The following APBB2 variants were observed in gnomAD, a reference collection of about 807,000 sequenced individuals.
APBB2 encodes the protein Fe65-like 1.
Under a neutral mutation model 82.5 loss-of-function variants are expected in APBB2, and 38 were observed. That is an observed-to-expected ratio of 0.46 (90% CI 0.36 to 0.60). The LOEUF (loss-of-function observed/expected upper bound fraction) is 0.60. Among genes scored for constraint, APBB2 ranks in the 20% least tolerant of loss-of-function variants. The pLI, the probability that APBB2 is intolerant of heterozygous loss-of-function variation, is 0.00. For missense variants in APBB2, 772 were observed against 972.3 expected (o/e 0.79, Z 2.74); for synonymous variants, 341 against 368.2 (o/e 0.93, Z 0.85).
intron 5 of APBB2, among the ~76,000 whole-genome samples, chr4:41,019,268 T>C (rs1033145995): frequency 1.3e-5 from 2 of 151,826 alleles, no homozygotes; most frequent in African/African-American, 4.8e-5. Flanking sequence ...ATAAAGAGAG[T>C]AAAAGTGGAA....
intron 1 of APBB2, among the ~76,000 whole-genome samples, chr4:41,206,354 C>G (rs1777925692): frequency 6.6e-6 from 1 of 152,202 alleles, no homozygotes; most frequent in African/African-American, 2.4e-5. Flanking sequence ...CTGCAGCACC[C>G]TATAACCAAT....
At chr4:41,124,058 A>G (rs1753679570) in intron 2 of APBB2, among the ~76,000 whole-genome samples, 1 of 152,168 alleles carries the variant, frequency 6.6e-6, no homozygotes, top group Non-Finnish European at 1.5e-5. Flanking sequence ...GCTTGCCCAC[A>G]GAGCTTTGAT....
At chr4:40,917,566 A>G (rs923767055) in intron 10 of APBB2, among the ~76,000 whole-genome samples, 1 of 152,176 alleles carries the variant, frequency 6.6e-6, no homozygotes, top group Non-Finnish European at 1.5e-5. Context: ...ATCCAATGAG[A>G]AAATTTAGAC....
At chr4:40,882,463 G>A (rs1272218324) in intron 12 of APBB2, among the ~76,000 whole-genome samples, 1 of 152,212 alleles carries the variant, frequency 6.6e-6, no homozygotes, top group Non-Finnish European at 1.5e-5. Flanking sequence ...GAAGCCGTGT[G>A]ATGAAGCCAG....
chr4:41,181,675 G>A (rs558044119), intron 1 of APBB2, among the ~76,000 whole-genome samples: 2 of 152,312 alleles, frequency 1.3e-5, no homozygotes, highest in East Asian at 3.9e-4. Context: ...GCCGGGCACA[G>A]TGGCTCACGC....
At chr4:41,062,157 CTTATTTAT>C (rs139030241) in intron 4 of APBB2, among the ~76,000 whole-genome samples, 12,248 of 149,328 alleles carry the variant, frequency 0.082, 1,627 homozygotes, top group African/African-American at 0.28. Context: ...ACAAGCAAAT[CTTATTTAT>C]TTATTTATTT....
At chr4:40,958,794 T>TG (rs1391016107) in intron 6 of APBB2, among the ~76,000 whole-genome samples, 2 of 152,138 alleles carry the variant, frequency 1.3e-5, no homozygotes, top group African/African-American at 2.4e-5. Context: ...TTTGTAGAGA[T>TG]GGGGTCTCAT....
At chr4:41,107,580 C>G (rs1747709598) in intron 2 of APBB2, among the ~76,000 whole-genome samples, 1 of 152,066 alleles carries the variant, frequency 6.6e-6, no homozygotes, top group Admixed American at 6.6e-5. Flanking sequence ...AGAATATCAC[C>G]CCACAGATTA....
At chr4:41,135,669 A>G (rs999631352) in intron 2 of APBB2, among the ~76,000 whole-genome samples, 1 of 152,216 alleles carries the variant, frequency 6.6e-6, no homozygotes, top group Non-Finnish European at 1.5e-5. Context: ...GTATCTTTGA[A>G]AGCTGTTAAA....
At chr4:40,884,759 G>A (rs1769718103) in intron 12 of APBB2, among the ~76,000 whole-genome samples, 1 of 152,126 alleles carries the variant, frequency 6.6e-6, no homozygotes, top group South Asian at 2.1e-4. Flanking sequence ...GCAAGACCCT[G>A]TCTCTAAAAA....
chr4:41,207,921 G>A (rs1193721648), intron 1 of APBB2: 5 of 152,208 alleles, frequency 3.3e-5, no homozygotes, highest in East Asian at 1.9e-4. Flanking sequence ...GAAAGGCATA[G>A]TATCAGAGAA....
chr4:41,099,530 T>C (rs572066417), intron 3 of APBB2, among the ~76,000 whole-genome samples: 1 of 152,274 alleles, frequency 6.6e-6, no homozygotes, highest in African/African-American at 2.4e-5. Context: ...TAACTTCAAA[T>C]AAGCTTCAAA....
intron 2 of APBB2, among the ~76,000 whole-genome samples, chr4:41,112,690 A>G (rs1338526819): frequency 2.0e-5 from 3 of 152,240 alleles, no homozygotes; most frequent in African/African-American, 7.2e-5. Context: ...ACACAGCATT[A>G]TTAAGAATGT....
intron 2 of APBB2, among the ~76,000 whole-genome samples, chr4:41,110,603 C>CA (rs33958550): frequency 0.015 from 1,693 of 111,608 alleles, 16 homozygotes; most frequent in African/African-American, 0.023. Flanking sequence ...GACTCTGTCT[C>CA]AAAAAAAAAA....
chr4:41,163,141 T>C (rs1560924140), intron 1 of APBB2, among the ~76,000 whole-genome samples: 1 of 152,140 alleles, frequency 6.6e-6, no homozygotes, highest in African/African-American at 2.4e-5. Context: ...CAATGTGACA[T>C]AGAGGACAGC....
chr4:41,052,363 C>T (rs759655310), intron 4 of APBB2, among the ~76,000 whole-genome samples: 5 of 152,194 alleles, frequency 3.3e-5, no homozygotes, highest in Non-Finnish European at 4.4e-5. Context: ...TCTTCTCCTA[C>T]CTGATCCCAA....
At chr4:41,172,468 G>C (rs1175687264) in intron 1 of APBB2, among the ~76,000 whole-genome samples, 2 of 152,190 alleles carry the variant, frequency 1.3e-5, no homozygotes, top group East Asian at 3.8e-4. Context: ...TGTTCTCATA[G>C]CACTCTATAA....
intron 12 of APBB2, among the ~76,000 whole-genome samples, chr4:40,864,358 C>G (rs1763541529): frequency 6.6e-6 from 1 of 152,142 alleles, no homozygotes; most frequent in Non-Finnish European, 1.5e-5. Flanking sequence ...AGAAAGACCC[C>G]ACTGCCCCAC....
In APBB2 at chr4:40,991,010, C is replaced by CTTTTTTTTTTTTTTTTT. The variant is rs1491223078; in HGVS notation, c.835+22572_835+22573insAAAAAAAAAAAAAAAAA. ...TTTCTGGTCATTTTGGACTGAGTTT[C>CTTTTTTTTTTTTTTTTT]ATTTTTTTTTTTTTTGGAGGCAAGG... On this transcript the variant is annotated intron_variant, in intron 6 of 17. Transcript: ENST00000508593. Among the ~76,000 whole-genome samples, 7 of 128,706 alleles carry CTTTTTTTTTTTTTTTTT rather than the reference C, an allele frequency of 5.4e-5. 1 individual carries two copies. The highest frequency in any genetic ancestry group is 8.2e-5 in the Non-Finnish European group (5 of 60,736). The allele number at this position is 128,706 out of a possible 152,430, so 84.4% of individuals were successfully genotyped here.
Sources: allele counts gnomAD v4.1 joint callset (sites outside exome capture counted in the v4.1 genomes callset), GRCh38; gene constraint gnomAD v4.1.1; transcripts MANE v1.5; gene names NCBI Gene and HGNC (gene_info 2026-07-23, HGNC 2026-07-21).